Variants in FGF12 observed in about 807,000 individuals in gnomAD.
The protein encoded by FGF12 is fibroblast growth factor 12.
FGF12 carries 14 observed loss-of-function variants against 23.6 expected under a neutral mutation model. The ratio of observed to expected loss-of-function variants is 0.59; its 90% CI spans 0.39 to 0.93. The LOEUF (loss-of-function observed/expected upper bound fraction) is 0.93, where lower values mean the gene tolerates loss of function less well. FGF12 is among the 40% of genes least tolerant of loss of function. FGF12 has a pLI of 0.00. For missense variants in FGF12, 175 were observed against 217.8 expected (o/e 0.80, Z 1.24); for synonymous variants, 62 against 77.3 (o/e 0.80, Z 1.04).
At chr3:192,353,723 A>G (rs531482377) in intron 3 of FGF12, among the ~76,000 whole-genome samples, 152 of 152,286 alleles carry the variant, frequency 1.0e-3, no homozygotes, top group Non-Finnish European at 1.3e-3. Context: ...GAAAGTGAGG[A>G]GCCAAGGCTG....
intron 2 of FGF12, among the ~76,000 whole-genome samples, chr3:192,543,712 C>T (rs1725429481): frequency 6.6e-6 from 1 of 152,168 alleles, no homozygotes; most frequent in Admixed American, 6.5e-5. Context: ...CCCAAGGGCT[C>T]TTTTGTCAGC....
At chr3:192,295,073 G>A (rs969244880) in intron 4 of FGF12, among the ~76,000 whole-genome samples, 1 of 152,202 alleles carries the variant, frequency 6.6e-6, no homozygotes, top group Non-Finnish European at 1.5e-5. Flanking sequence ...TTAAGACTCA[G>A]AGTGATGGAG....
At position 192,141,766 on chromosome 3, in the gene FGF12, A is replaced by G. The variant is rs1209175322; in HGVS notation, c.*2243T>C. The G allele has an allele frequency of 6.7e-6, 1 of 149,194 alleles. No individual in the cohort carries two copies. Among genetic ancestry groups the G allele is most frequent in the Admixed American group, 6.7e-5 (1 of 14,870 alleles). The allele number at this position is 149,194 out of a possible 1,614,324, so 9.2% of individuals were successfully genotyped here. On this transcript the variant is annotated 3_prime_UTR_variant, in exon 6 of 6. Transcript: ENST00000445105. ...TAATTGATTTTTATGATTTGCATCA[A>G]TTGTGTTATTTATGAAACCATCGTT... is the stretch of plus-strand genomic sequence containing the variant.
At chr3:192,444,154 T>C (rs1047163923) in intron 2 of FGF12, among the ~76,000 whole-genome samples, 5 of 152,334 alleles carry the variant, frequency 3.3e-5, no homozygotes, top group African/African-American at 9.6e-5. Context: ...TTGAGTTCCG[T>C]AGCCAAGCCC....
chr3:192,321,602 T>C (rs1284933925), intron 4 of FGF12, among the ~76,000 whole-genome samples: 1 of 151,318 alleles, frequency 6.6e-6, no homozygotes, highest in Non-Finnish European at 1.5e-5. Flanking sequence ...CACAACACAT[T>C]AAAAAAACCA....
chr3:192,514,633 G>T lies in FGF12; in HGVS notation c.14-154095C>A, dbSNP rs1476005228. On this transcript the variant is annotated intron_variant, in intron 2 of 5. Transcript: ENST00000445105. This position sits in a 1 kb window ranked among gnomAD's most constrained non-coding sequence, Gnocchi z 4.9. ...GAAGAAGGGAAGGGGGCATTCTGCA[G>T]TGTTTGGGGGCTGGGGAAAGAACAT... 3.2e-6 allele frequency: 3 copies of T among 933,910 alleles called. No homozygotes were observed. The highest frequency in any genetic ancestry group is 2.6e-6 in the Non-Finnish European group (2 of 783,158). 57.9% of individuals were successfully genotyped at this position (933,910 alleles called of 1,614,324 possible).
intron 2 of FGF12, among the ~76,000 whole-genome samples, chr3:192,377,691 C>T (rs143286191): frequency 2.0e-5 from 3 of 152,278 alleles, no homozygotes; most frequent in Non-Finnish European, 2.9e-5. Flanking sequence ...TGCCTGATCC[C>T]TTCCAAGTGT....
chr3:192,647,706 T>C (rs1577097564), intron 2 of FGF12, among the ~76,000 whole-genome samples: 1 of 145,388 alleles, frequency 6.9e-6, no homozygotes, highest in Middle Eastern at 3.6e-3. Flanking sequence ...TATATGTGTA[T>C]ATATACATAT....
chr3:192,549,093 T>C (rs912275202), intron 2 of FGF12, among the ~76,000 whole-genome samples: 3 of 152,196 alleles, frequency 2.0e-5, no homozygotes, highest in Non-Finnish European at 4.4e-5. Flanking sequence ...TTACACTAAC[T>C]GTTGCTCAGG....
chr3:192,184,818 C>T (rs913553634), intron 4 of FGF12, among the ~76,000 whole-genome samples: 1 of 152,184 alleles, frequency 6.6e-6, no homozygotes, highest in Non-Finnish European at 1.5e-5. Flanking sequence ...TACCAATTTT[C>T]CCATTTACAG....
intron 4 of FGF12, among the ~76,000 whole-genome samples, chr3:192,198,251 T>C (rs1194755155): frequency 6.6e-6 from 1 of 152,176 alleles, no homozygotes; most frequent in Non-Finnish European, 1.5e-5. Context: ...CCAAAATGTT[T>C]TCAGGCACTT....
At chr3:192,187,253 G>C (rs2108642160) in intron 4 of FGF12, among the ~76,000 whole-genome samples, 1 of 152,288 alleles carries the variant, frequency 6.6e-6, no homozygotes, top group East Asian at 1.9e-4. Context: ...GAGTCGACGA[G>C]TTTTAGTTTC....
chr3:192,302,646 G>C (rs1715409119), intron 4 of FGF12, among the ~76,000 whole-genome samples: 3 of 152,168 alleles, frequency 2.0e-5, no homozygotes, highest in Admixed American at 2.0e-4. Flanking sequence ...GAATGGAAAT[G>C]GCCATGCAGA....
intron 2 of FGF12, among the ~76,000 whole-genome samples, chr3:192,496,993 T>C (rs1246220671): frequency 6.6e-6 from 1 of 152,230 alleles, no homozygotes; most frequent in African/African-American, 2.4e-5. Context: ...TCTGTGGTCC[T>C]AAATACCATC....
intron 4 of FGF12, among the ~76,000 whole-genome samples, chr3:192,183,341 G>T (rs2108636700): frequency 6.6e-6 from 1 of 152,264 alleles, no homozygotes; most frequent in African/African-American, 2.4e-5. Context: ...TGCATGGACT[G>T]TCACTCCAGC....
At chr3:192,642,809 A>G (rs1715855271) in intron 2 of FGF12, among the ~76,000 whole-genome samples, 1 of 152,256 alleles carries the variant, frequency 6.6e-6, no homozygotes, top group African/African-American at 2.4e-5. Context: ...CTTGTAGCCC[A>G]AAGAAAATGA....
chr3:192,644,596 T>C (rs911226655), intron 2 of FGF12, among the ~76,000 whole-genome samples: 7 of 152,182 alleles, frequency 4.6e-5, no homozygotes, highest in African/African-American at 1.2e-4. Flanking sequence ...ATAATATGAA[T>C]AAGAATTATC....
At chr3:192,554,600 G>A (rs1470824085) in intron 2 of FGF12, among the ~76,000 whole-genome samples, 2 of 152,064 alleles carry the variant, frequency 1.3e-5, no homozygotes, top group Non-Finnish European at 2.9e-5. Flanking sequence ...CATAAAAACT[G>A]ATATATATGG....
At chr3:192,638,591 A>T (rs1045762718) in intron 2 of FGF12, among the ~76,000 whole-genome samples, 1 of 152,356 alleles carries the variant, frequency 6.6e-6, no homozygotes, top group East Asian at 1.9e-4. Context: ...GGCAAATACT[A>T]GAGGAAATAA....
Sources: allele counts gnomAD v4.1 joint callset (sites outside exome capture counted in the v4.1 genomes callset), GRCh38; gene constraint gnomAD v4.1.1; non-coding constraint Gnocchi (gnomAD v3.1); transcripts MANE v1.5; gene names NCBI Gene and HGNC (gene_info 2026-07-23, HGNC 2026-07-21).